Variants in PDSS2 observed in about 807,000 individuals in gnomAD.
PDSS2 encodes all trans-polyprenyl-diphosphate synthase PDSS2.
A neutral mutation model predicts 44.5 loss-of-function variants in PDSS2; 31 were observed. The observed-to-expected ratio is 0.70, with a 90% CI of 0.52 to 0.94. The LOEUF is 0.94. Among genes scored for constraint, PDSS2 ranks in the 40% least tolerant of loss-of-function variants. The pLI, the probability that PDSS2 is intolerant of heterozygous loss-of-function variation, is 0.00. For missense variants in PDSS2, 452 were observed against 482.2 expected, an observed-to-expected ratio of 0.94 and a Z score of 0.59; for synonymous variants, 157 against 180.3, an observed-to-expected ratio of 0.87 and a Z score of 1.03.
intron 3 of PDSS2, among the ~76,000 whole-genome samples, chr6:107,250,205 C>T (rs577558225): frequency 1.3e-5 from 2 of 150,548 alleles, no homozygotes; most frequent in African/African-American, 5.0e-5. Flanking sequence ...AAAATCCTCG[C>T]ATTGCTATCC....
At chr6:107,325,416 C>G (rs947683027) in intron 2 of PDSS2, among the ~76,000 whole-genome samples, 1 of 152,066 alleles carries the variant, frequency 6.6e-6, no homozygotes, top group African/African-American at 2.4e-5. Flanking sequence ...ATTAATTTAA[C>G]CTTAATCAAT....
chr6:107,221,081 G>A (rs867187235), intron 4 of PDSS2, among the ~76,000 whole-genome samples: 2 of 152,196 alleles, frequency 1.3e-5, no homozygotes, highest in African/African-American at 2.4e-5. Flanking sequence ...GGTGGCTCAC[G>A]CCTGTAATCC....
intron 3 of PDSS2, among the ~76,000 whole-genome samples, chr6:107,259,898 C>T (rs993037462): frequency 1.3e-5 from 2 of 152,134 alleles, no homozygotes; most frequent in African/African-American, 4.8e-5. Flanking sequence ...AACAGTTACT[C>T]TGATATTCTA....
chr6:107,160,172 C>T (rs112519681), intron 7 of PDSS2, among the ~76,000 whole-genome samples: 2,368 of 152,184 alleles, frequency 0.016, 64 homozygotes, highest in African/African-American at 0.053. Context: ...GCCAAAGTCG[C>T]GCCATTGCAA....
chr6:107,207,978 GT>G (rs756043067), intron 6 of PDSS2, among the ~76,000 whole-genome samples: 49 of 67,550 alleles, frequency 7.3e-4, no homozygotes, highest in Non-Finnish European at 1.1e-3. Context: ...TCTATGACTT[GT>G]TTTTTTTTTT....
At chr6:107,359,092 C>T (rs965508328) in intron 1 of PDSS2, among the ~76,000 whole-genome samples, 1 of 141,622 alleles carries the variant, frequency 7.1e-6, no homozygotes, top group Admixed American at 7.6e-5. Context: ...CTCACTGCAA[C>T]CTCAGCCTCC....
chr6:107,352,052 T>C (rs1329498142), intron 1 of PDSS2, among the ~76,000 whole-genome samples: 1 of 152,198 alleles, frequency 6.6e-6, no homozygotes, highest in African/African-American at 2.4e-5. Context: ...TTTTAAAATG[T>C]TGCTAAGAAA....
intron 2 of PDSS2, among the ~76,000 whole-genome samples, chr6:107,331,634 A>G (rs1245528465): frequency 6.6e-6 from 1 of 152,212 alleles, no homozygotes; most frequent in African/African-American, 2.4e-5. Context: ...CCTGCTGAGT[A>G]GAAAGAGTAT....
At chr6:107,182,789 A>G (rs1772029644) in intron 7 of PDSS2, among the ~76,000 whole-genome samples, 1 of 152,238 alleles carries the variant, frequency 6.6e-6, no homozygotes, top group African/African-American at 2.4e-5. Flanking sequence ...AATTGTTTTG[A>G]AAAACAGATT....
intron 2 of PDSS2, among the ~76,000 whole-genome samples, chr6:107,312,747 GA>G (rs1212309208): frequency 1.3e-5 from 2 of 152,186 alleles, no homozygotes; most frequent in Non-Finnish European, 2.9e-5. Flanking sequence ...GTGGAGGGTA[GA>G]AGGAAGAAGG....
intron 1 of PDSS2, among the ~76,000 whole-genome samples, chr6:107,407,145 T>C (rs1562519806): frequency 6.6e-6 from 1 of 152,220 alleles, no homozygotes; most frequent in Non-Finnish European, 1.5e-5. Context: ...TGATATATGC[T>C]ACAACATGGA....
intron 1 of PDSS2, among the ~76,000 whole-genome samples, chr6:107,360,585 C>T (rs375902765): frequency 9.7e-5 from 1 of 10,354 alleles, no homozygotes; most frequent in Non-Finnish European, 7.7e-3. Context: ...CAACAAAAAA[C>T]ATCTGGATAA....
chr6:107,449,131 C>T (rs552072704), intron 1 of PDSS2, among the ~76,000 whole-genome samples: 1 of 152,244 alleles, frequency 6.6e-6, no homozygotes, highest in Non-Finnish European at 1.5e-5. Context: ...CACAATATTC[C>T]TCTTTGTATT....
chr6:107,176,497 T>C (rs1771794618), intron 7 of PDSS2, among the ~76,000 whole-genome samples: 1 of 152,028 alleles, frequency 6.6e-6, no homozygotes, highest in African/African-American at 2.4e-5. Flanking sequence ...TCTTGCCCTG[T>C]CCTCCACGTT....
chr6:107,351,286 G>A (rs1778427862), intron 1 of PDSS2, among the ~76,000 whole-genome samples: 1 of 152,182 alleles, frequency 6.6e-6, no homozygotes, highest in African/African-American at 2.4e-5. Context: ...AAAGTTCTAA[G>A]ATGGTTTTGT....
chr6:107,179,372 C>A (rs555621491), intron 7 of PDSS2, among the ~76,000 whole-genome samples: 26 of 152,106 alleles, frequency 1.7e-4, no homozygotes, highest in African/African-American at 6.3e-4. Flanking sequence ...CCTCTGCCTC[C>A]CGGGTTCAAG....
chr6:107,287,785 T>G (rs1232486210), intron 2 of PDSS2, among the ~76,000 whole-genome samples: 1 of 152,224 alleles, frequency 6.6e-6, no homozygotes, highest in East Asian at 1.9e-4. Flanking sequence ...CCTCCCAAAG[T>G]GCTGGGATCA....
At chr6:107,232,268 T>C (rs188339642) in intron 4 of PDSS2, among the ~76,000 whole-genome samples, 62 of 152,310 alleles carry the variant, frequency 4.1e-4, no homozygotes, top group African/African-American at 1.3e-3. Context: ...CCCTCTGAAA[T>C]TGAACTACTG....
At chr6:107,282,131 G>A (rs973464028) in intron 2 of PDSS2, among the ~76,000 whole-genome samples, 9 of 151,992 alleles carry the variant, frequency 5.9e-5, no homozygotes, top group African/African-American at 1.5e-4. Flanking sequence ...GTCTCGAACC[G>A]CTGACCTCAG....
Sources: allele counts gnomAD v4.1 joint callset (sites outside exome capture counted in the v4.1 genomes callset), GRCh38; gene constraint gnomAD v4.1.1; transcripts MANE v1.5; gene names NCBI Gene and HGNC (gene_info 2026-07-23, HGNC 2026-07-21).